The following VAV3 variants were observed in gnomAD, a reference collection of about 807,000 sequenced individuals.
VAV3 encodes vav guanine nucleotide exchange factor 3.
Under a neutral mutation model 131.2 loss-of-function variants are expected in VAV3, and 94 were observed. The ratio of observed to expected loss-of-function variants is 0.72; its 90% CI spans 0.61 to 0.85. The LOEUF is 0.85. Among genes scored for constraint, VAV3 ranks in the 40% least tolerant of loss-of-function variants. The probability of loss-of-function intolerance (pLI) is 0.00; values close to 1 mark genes in which losing one functional copy is unlikely to be tolerated. For synonymous variants in VAV3, 349 were observed against 342.0 expected, an observed-to-expected ratio of 1.02 and a Z score of -0.22; for missense variants, 939 against 1,002.7, an observed-to-expected ratio of 0.94 and a Z score of 0.86.
At chr1:107,750,181 A>G (rs72705645) in intron 13 of VAV3, among the ~76,000 whole-genome samples, 11,594 of 152,242 alleles carry the variant, frequency 0.076, 533 homozygotes, top group African/African-American at 0.13. Flanking sequence ...ATTCACAAAC[A>G]GGTCTAATTT....
chr1:107,725,414 G>A (rs574758697), intron 15 of VAV3, among the ~76,000 whole-genome samples: 1 of 152,294 alleles, frequency 6.6e-6, no homozygotes, highest in South Asian at 2.1e-4. Flanking sequence ...GCAGCCGAAA[G>A]TAAAGAGAGT....
At chr1:107,763,151 G>A (rs1395568816) in intron 9 of VAV3, among the ~76,000 whole-genome samples, 1 of 152,222 alleles carries the variant, frequency 6.6e-6, no homozygotes, top group Non-Finnish European at 1.5e-5. Flanking sequence ...ATTTGTTGAA[G>A]TGTTACACTA....
At chr1:107,769,023 C>A (rs983473542) in intron 6 of VAV3, among the ~76,000 whole-genome samples, 1 of 152,158 alleles carries the variant, frequency 6.6e-6, no homozygotes, top group African/African-American at 2.4e-5. Context: ...AGTTCCTTGA[C>A]CACAAATAAT....
intron 2 of VAV3, among the ~76,000 whole-genome samples, chr1:107,852,901 A>T (rs1669292005): frequency 6.6e-6 from 1 of 152,186 alleles, no homozygotes; most frequent in Non-Finnish European, 1.5e-5. Context: ...AAAGGATAGG[A>T]TCACCAACAT....
At chr1:107,670,049 C>T (rs1046630100) in intron 19 of VAV3, among the ~76,000 whole-genome samples, 2 of 152,240 alleles carry the variant, frequency 1.3e-5, no homozygotes, top group Non-Finnish European at 1.5e-5. Flanking sequence ...ATCATTTGTG[C>T]CAGTGTATGT....
chr1:107,933,625 G>A (rs1673567585), intron 1 of VAV3, among the ~76,000 whole-genome samples: 1 of 151,666 alleles, frequency 6.6e-6, no homozygotes, highest in Non-Finnish European at 1.5e-5. Flanking sequence ...ACCAGCCTGG[G>A]GAATGCACTG....
intron 2 of VAV3, among the ~76,000 whole-genome samples, chr1:107,843,952 C>T (rs1668845717): frequency 6.6e-6 from 1 of 152,110 alleles, no homozygotes; most frequent in African/African-American, 2.4e-5. Context: ...CATGATGAAA[C>T]TATCTTATAT....
intron 10 of VAV3, among the ~76,000 whole-genome samples, chr1:107,758,006 C>T (rs1664209604): frequency 6.6e-6 from 1 of 152,136 alleles, no homozygotes; most frequent in African/African-American, 2.4e-5. Flanking sequence ...CTAAATGGTT[C>T]TACCTCATTA....
chr1:107,783,285 A>G (rs1465440620), intron 2 of VAV3, among the ~76,000 whole-genome samples: 1 of 152,186 alleles, frequency 6.6e-6, no homozygotes, highest in Non-Finnish European at 1.5e-5. Flanking sequence ...AGTGAAGGGC[A>G]GACTGGGGTA....
chr1:107,755,287 G>T, intron 12 of VAV3, 140 bp downstream of exon 12: 1 of 658,896 alleles, frequency 1.5e-6, no homozygotes, highest in Non-Finnish European at 2.6e-6. Context: ...ACACCCACAT[G>T]AACACTGCCA....
intron 2 of VAV3, among the ~76,000 whole-genome samples, chr1:107,826,367 T>C (rs895150792): frequency 3.9e-5 from 6 of 152,226 alleles, no homozygotes; most frequent in Non-Finnish European, 8.8e-5. Context: ...GTTGAATATT[T>C]GTTTCTCTTT....
At chr1:107,750,685 A>C (rs982808292) in intron 13 of VAV3, among the ~76,000 whole-genome samples, 1 of 152,242 alleles carries the variant, frequency 6.6e-6, no homozygotes, top group Non-Finnish European at 1.5e-5. Flanking sequence ...CAAGCTTACT[A>C]ATCTTCAAGA....
At chr1:107,766,587 T>A in intron 7 of VAV3, 37 bp from the exon 8 acceptor site, 1 of 1,544,982 alleles carries the variant, frequency 6.5e-7, no homozygotes, top group Non-Finnish European at 8.9e-7. Flanking sequence ...AAAGTAGGAA[T>A]AACAACCAAA....
rs182348166 is a variant in VAV3, at chr1:107,909,581, T to C, written c.205-34564A>G. On this transcript the variant is annotated intron_variant, in intron 1 of 26. Coordinates refer to ENST00000370056, the MANE Select transcript of VAV3 (RefSeq NM_006113.5). Reference sequence around the variant, plus strand: ...AATTCCATACCCATCACATACAGCATAGAATTGACAATTTTATTTAAAATG... The same window carrying C: ...AATTCCATACCCATCACATACAGCACAGAATTGACAATTTTATTTAAAATG... 9.2e-5 allele frequency among the ~76,000 whole-genome samples: 14 copies of C among 152,314 alleles called. No homozygotes were observed. The East Asian group carries it at 2.5e-3, about 27-fold the overall frequency.
intron 15 of VAV3, among the ~76,000 whole-genome samples, chr1:107,729,485 C>A (rs1165015816): frequency 6.6e-6 from 1 of 152,054 alleles, no homozygotes. Flanking sequence ...GAGTTTTATT[C>A]CTTACCAGCA....
chr1:107,751,101 ATTC>A lies in VAV3; in HGVS notation c.1259+13_1259+15del. The A allele has an allele frequency of 6.2e-7, 1 of 1,603,074 alleles. No homozygotes were observed. Among genetic ancestry groups the A allele is most frequent in the Non-Finnish European group, 8.5e-7 (1 of 1,175,022 alleles). On this transcript the variant is annotated intron_variant, in intron 13 of 26. Coordinates refer to ENST00000370056, the MANE Select transcript of VAV3 (RefSeq NM_006113.5). ...ACTAATTACTTATTTTGAAAATAGT[ATTC>A]TTCTTTTCTTACCTTTCTTGTTTGG...
At chr1:107,833,408 T>C (rs1387649734) in intron 2 of VAV3, among the ~76,000 whole-genome samples, 1 of 152,210 alleles carries the variant, frequency 6.6e-6, no homozygotes, top group East Asian at 1.9e-4. Context: ...GGTTGGTTCA[T>C]AAGGTTTTAA....
intron 17 of VAV3, among the ~76,000 whole-genome samples, chr1:107,691,169 AG>A (rs1284326137): frequency 6.6e-6 from 1 of 152,188 alleles, no homozygotes; most frequent in African/African-American, 2.4e-5. Flanking sequence ...CTAATGCAAT[AG>A]CCTGTTCACT....
intron 2 of VAV3, among the ~76,000 whole-genome samples, chr1:107,870,326 A>C (rs1448152768): frequency 6.6e-6 from 1 of 152,126 alleles, no homozygotes; most frequent in Non-Finnish European, 1.5e-5. Context: ...AATTATGGCC[A>C]TTCTTGCAGG....
Sources: gnomAD v4.1 joint callset for allele counts (sites outside exome capture counted in the v4.1 genomes callset) on GRCh38, gnomAD v4.1.1 for gene constraint, MANE v1.5 for transcripts, NCBI Gene and HGNC (gene_info 2026-07-23, HGNC 2026-07-21) for gene names.